AIRE: variants seen among roughly 807,000 people sequenced by gnomAD.
AIRE encodes the protein autoimmune polyendocrinopathy candidiasis ectodermal dystrophy protein.
In AIRE, 52 loss-of-function variants were observed where a neutral mutation model predicts 62.1. The ratio of observed to expected loss-of-function variants is 0.84; its 90% CI spans 0.67 to 1.06. The LOEUF is 1.06. Among genes scored for constraint, AIRE ranks in the 50% least tolerant of loss-of-function variants. The pLI is 0.00. For synonymous variants in AIRE, 342 were observed against 321.6 expected, an observed-to-expected ratio of 1.06 and a Z score of -0.68; for missense variants, 774 against 755.8, an observed-to-expected ratio of 1.02 and a Z score of -0.28.
At chr21:44,289,611 G>T (rs1381397703) in intron 5 of AIRE, 46 bp from the exon 6 acceptor site, 1 of 1,611,310 alleles carries the variant, frequency 6.2e-7, no homozygotes. Flanking sequence ...GCCAAGGCAG[G>T]TCCTGCTGGG....
At chr21:44,292,640 C>CG (rs1366354889) in intron 9 of AIRE, among the ~76,000 whole-genome samples, 6 of 152,272 alleles carry the variant, frequency 3.9e-5, no homozygotes, top group South Asian at 4.1e-4. Flanking sequence ...GGGTCCACCC[C>CG]GGGGGGCACT....
intron 9 of AIRE, 32 bp downstream of exon 9, chr21:44,292,433 C>A (rs560103155): frequency 2.0e-6 from 3 of 1,468,210 alleles, no homozygotes; most frequent in African/African-American, 1.4e-5. Context: ...GCCGGGCCAC[C>A]CCTCCTGTCC....
At chr21:44,292,231 A>T in intron 8 of AIRE, 71 bp from the exon 9 acceptor site, 1 of 1,256,150 alleles carries the variant, frequency 8.0e-7, no homozygotes. Context: ...CTGGAGCTCC[A>T]CCCGTGGGTT....
At chr21:44,294,368 C>CG in intron 11 of AIRE, 33 bp from the exon 12 acceptor site, 1 of 1,478,364 alleles carries the variant, frequency 6.8e-7, no homozygotes, top group Non-Finnish European at 9.1e-7. Flanking sequence ...CTGCTCCCCC[C>CG]CAGGGCTGGC....
rs200540137 is a variant in AIRE at position 44,292,375 on chromosome 21, C to T, written c.1069C>T (p.Pro357Ser). ...EVQPRAEEPR[P>S]QEPPVETPLP... is the part of the protein sequence containing the mutation. ...GCAGCCCCGGGCAGAGGAGCCCCGG[C>T]CCCAGGAGCCACCCGTGGAGACCCC... The change falls in exon 9 of 14, where the codon CCC (proline) becomes TCC (serine). Residue 357 changes from proline to serine, a missense_variant. Physicochemically the swap from Pro to Ser is moderately conservative, Grantham distance 74 (BLOSUM62 -1). Coordinates refer to ENST00000291582, the MANE Select transcript of AIRE (RefSeq NM_000383.4). 38 of 1,560,244 alleles carry T rather than the reference C, an allele frequency of 2.4e-5. No individual in the cohort carries two copies. The highest frequency in any genetic ancestry group is 3.1e-5 in the Non-Finnish European group (36 of 1,152,048).
At chr21:44,290,861 C>A (rs145284511) in intron 7 of AIRE, 1 of 1,600,996 alleles carries the variant, frequency 6.2e-7, no homozygotes, top group African/African-American at 1.3e-5. Flanking sequence ...TGCAAGAAAC[C>A]GGGTTTTCTT....
rs767935859 is a variant in AIRE at position 44,294,461 on chromosome 21, GCTGGCCCCCAGCCCCGCCCGC to G, written c.1470_1490del (p.Ser491_Pro497del). On this transcript the variant is annotated inframe_deletion, in exon 12 of 14. Transcript: ENST00000291582. ...TGACCCCAGCCCCTGTGGAGGGGGT[GCTGGCCCCCAGCCCCGCCCGC>G]CTGGCCCCTGGGCCTGCCAAGGTCA... 12 of 1,560,690 alleles carry G rather than the reference GCTGGCCCCCAGCCCCGCCCGC, an allele frequency of 7.7e-6. No homozygotes were observed. The South Asian group carries it at 1.1e-4, about 14-fold the overall frequency.
intron 9 of AIRE, among the ~76,000 whole-genome samples, chr21:44,292,629 C>T (rs977892375): frequency 5.9e-5 from 9 of 152,284 alleles, no homozygotes; most frequent in Middle Eastern, 3.4e-3. Flanking sequence ...CTCCTGGCTG[C>T]GGGTCCACCC....
chr21:44,294,486 G>T lies in AIRE; in HGVS notation c.1486G>T (p.Ala496Ser). ...GVLAPSPARL[A>S]PGPAKDDTAS... The stretch of plus-strand genomic sequence containing the variant: ...GCTGGCCCCCAGCCCCGCCCGCCTG[G>T]CCCCTGGGCCTGCCAAGGTCAGTGC... The change falls in exon 12 of 14, where the codon GCC (alanine) becomes TCC (serine). Residue 496 changes from alanine (A) to serine (S), a missense_variant. Ala to Ser is a moderately conservative substitution (Grantham distance 99). Around this residue, in one of 3 missense-constraint regions of AIRE, gnomAD observed 354 missense variants for 296.1 expected, o/e 1.20. Transcript: ENST00000291582. 6.6e-7 allele frequency: 1 copy of T among 1,521,424 alleles called. No individual in the cohort carries two copies. 94.2% of individuals were successfully genotyped at this position (1,521,424 alleles called of 1,614,324 possible).
Position 44,287,423 on chromosome 21 carries a change from G to T in AIRE, c.464-94G>T. On this transcript the variant is annotated intron_variant, in intron 3 of 13. Transcript: ENST00000291582. This position sits in a 1 kb window ranked among gnomAD's most constrained non-coding sequence, Gnocchi z 4.3. ...CAAAGGGACTACCCAGCACTGGACC[G>T]CCCCCTCCACGCCCTCCCACCGCGG... 1.1e-6 allele frequency: 1 copy of T among 884,320 alleles called. No homozygotes were observed. The highest frequency in any genetic ancestry group is 1.8e-6 in the Non-Finnish European group (1 of 546,958). The allele number at this position is 884,320 out of a possible 1,614,324, so 54.8% of individuals were successfully genotyped here.
In AIRE at chr21:44,294,518, G is replaced by C. The variant is rs753294505; in HGVS notation, c.1503+15G>C. On this transcript the variant is annotated intron_variant, in intron 12 of 13. Coordinates refer to ENST00000291582, the MANE Select transcript of AIRE (RefSeq NM_000383.4). Reference sequence around the variant, plus strand: ...GGCCTGCCAAGGTCAGTGCCGCAGGGGCCCTCCATGCATGCCGGTGCTGGG... The same window carrying C: ...GGCCTGCCAAGGTCAGTGCCGCAGGCGCCCTCCATGCATGCCGGTGCTGGG... 7.2e-7 allele frequency: 1 copy of C among 1,383,572 alleles called. No homozygotes were observed. The highest frequency in any genetic ancestry group is 1.4e-5 in the South Asian group (1 of 72,014). 85.7% of individuals were successfully genotyped at this position (1,383,572 alleles called of 1,614,324 possible).
At chr21:44,293,320 G>C (rs540124497) in intron 10 of AIRE, 145 bp downstream of exon 10, 3 of 694,432 alleles carry the variant, frequency 4.3e-6, no homozygotes, top group Non-Finnish European at 7.0e-6. Flanking sequence ...GGGGGAGCGT[G>C]GGGGGCTGCG....
rs372169498 is a variant in AIRE at position 44,287,551 on chromosome 21, G to A, written c.498G>A (p.Pro166=). The change falls in exon 4 of 14, where the codon CCG becomes CCA. Residue 166 remains proline (P), a synonymous_variant. Transcript: ENST00000291582. The surrounding 1 kb of genome is among the most constrained non-coding windows in gnomAD (Gnocchi z 4.3). ...SQLKAKPPKK[P]ESSAEQQRLP... The stretch of plus-strand genomic sequence containing the variant: ...TGAAGGCCAAGCCCCCCAAGAAGCC[G>A]GAGAGCAGCGCAGAGCAGCAGCGCC... The A allele has an allele frequency of 2.4e-5, 37 of 1,559,314 alleles. No homozygotes were observed. Among genetic ancestry groups the A allele is most frequent in the Middle Eastern group, 1.7e-4 (1 of 5,928 alleles).
chr21:44,289,510 G>T, intron 5 of AIRE, 147 bp from the exon 6 acceptor site: 1 of 1,024,702 alleles, frequency 9.8e-7, no homozygotes, highest in Non-Finnish European at 1.4e-6. Flanking sequence ...CCGGGCCCCA[G>T]ACTCGACTGG....
At chr21:44,293,942 A>G in intron 11 of AIRE, 32 bp downstream of exon 11, 1 of 1,592,898 alleles carries the variant, frequency 6.3e-7, no homozygotes, top group Non-Finnish European at 8.5e-7. Flanking sequence ...GGAGGCCTGA[A>G]CCCACACCCA....
At chr21:44,296,791 A>G (rs2040613909) in intron 13 of AIRE, among the ~76,000 whole-genome samples, 1 of 149,948 alleles carries the variant, frequency 6.7e-6, no homozygotes, top group Non-Finnish European at 1.5e-5. Flanking sequence ...ACCAGGCTCA[A>G]GATCCACTTT....
chr21:44,286,564 T>A lies in AIRE; in HGVS notation c.140T>A (p.Leu47His). Residue 47 changes from leucine to histidine, a missense_variant, in exon 2 of 14, where the codon CTT becomes CAT. Coordinates refer to ENST00000291582, the MANE Select transcript of AIRE (RefSeq NM_000383.4). This position sits in a 1 kb window ranked among gnomAD's most constrained non-coding sequence, Gnocchi z 6.0. The stretch of plus-strand genomic sequence containing the variant: ...CATGCCACCCCACTGCAGGAGACGC[T>A]TCATCTGAAGGAAAAGGAGGGCTGC... Reference protein sequence around the residue: ...VVPEDKFQETLHLKEKEGCPQ... With the variant: ...VVPEDKFQETHHLKEKEGCPQ... 6.2e-7 allele frequency: 1 copy of A among 1,610,544 alleles called. No homozygotes were observed. The highest frequency in any genetic ancestry group is 8.5e-7 in the Non-Finnish European group (1 of 1,178,280).
intron 7 of AIRE, chr21:44,290,646 A>G: frequency 9.0e-7 from 1 of 1,110,174 alleles, no homozygotes. Context: ...GTCTGGGGGG[A>G]TTCTGGAGGA....
chr21:44,290,437 G>C (rs917060293), intron 7 of AIRE: 1 of 985,190 alleles, frequency 1.0e-6, no homozygotes. Flanking sequence ...TTTCTTAATG[G>C]GGTAGAAGCA....
Sources: gnomAD v4.1 joint callset for allele counts (sites outside exome capture counted in the v4.1 genomes callset) on GRCh38, gnomAD v4.1.1 for gene constraint, gnomAD v4.1.1 regional missense constraint, Gnocchi (gnomAD v3.1) non-coding constraint, MANE v1.5 for transcripts, NCBI Gene and HGNC (gene_info 2026-07-23, HGNC 2026-07-21) for gene names.